Variants in C8orf34 observed in about 807,000 individuals in gnomAD.
The protein encoded by C8orf34 is uncharacterized protein C8orf34.
Under a neutral mutation model 68.3 loss-of-function variants are expected in C8orf34, and 65 were observed. The ratio of observed to expected loss-of-function variants is 0.95; its 90% CI spans 0.78 to 1.17. The LOEUF is 1.17. C8orf34 is among the 50% of genes most tolerant of loss of function. The pLI, the probability that C8orf34 is intolerant of heterozygous loss-of-function variation, is 0.00. For synonymous variants in C8orf34, 244 were observed against 241.2 expected, an observed-to-expected ratio of 1.01 and a Z score of -0.11; for missense variants, 664 against 655.4, an observed-to-expected ratio of 1.01 and a Z score of -0.14.
At chr8:68,582,274 A>G (rs2130356824) in intron 7 of C8orf34, among the ~76,000 whole-genome samples, 1 of 152,240 alleles carries the variant, frequency 6.6e-6, no homozygotes, top group Non-Finnish European at 1.5e-5. Context: ...AAGTGGGGGA[A>G]CCCAGCAAGG....
chr8:68,448,401 A>G (rs1811208990), intron 3 of C8orf34, among the ~76,000 whole-genome samples: 1 of 152,218 alleles, frequency 6.6e-6, no homozygotes. Flanking sequence ...TAAGAATACA[A>G]CAGATTTAGG....
intron 9 of C8orf34, among the ~76,000 whole-genome samples, chr8:68,713,931 A>G (rs992247156): frequency 6.6e-6 from 1 of 152,206 alleles, no homozygotes; most frequent in African/African-American, 2.4e-5. Context: ...AATATCAAAA[A>G]GATAATTCAC....
At chr8:68,370,221 C>T (rs1563383812) in intron 1 of C8orf34, among the ~76,000 whole-genome samples, 1 of 152,130 alleles carries the variant, frequency 6.6e-6, no homozygotes, top group Admixed American at 6.5e-5. Flanking sequence ...GTAGGCTGCC[C>T]ATCTATTCCC....
At chr8:68,716,736 C>T (rs1283644211) in intron 9 of C8orf34, among the ~76,000 whole-genome samples, 1 of 151,848 alleles carries the variant, frequency 6.6e-6, no homozygotes, top group African/African-American at 2.4e-5. Flanking sequence ...AAATCTTGAG[C>T]ATTTATATAA....
rs1242128072 is a variant in C8orf34 at position 68,466,765 on chromosome 8, A to ATATATATATATATATATG, written c.608-1927_608-1926insTATATATATATATATATG. Reference sequence around the variant, plus strand: ...TATATATATATATATATATATATATAGATGCTTTCATTTCTTTATGATGAC... The same window carrying ATATATATATATATATATG: ...TATATATATATATATATATATATATATATATATATATATATATGGATGCTTTCATTTCTTTATGATGAC... On this transcript the variant is annotated intron_variant, in intron 3 of 13. Coordinates refer to ENST00000518698, the MANE Select transcript of C8orf34 (RefSeq NM_052958.4). Among the ~76,000 whole-genome samples the ATATATATATATATATATG allele has an allele frequency of 2.4e-4, 30 of 123,342 alleles. 1 individual carries two copies. The highest frequency in any genetic ancestry group is 5.0e-4 in the African/African-American group (16 of 32,078). 80.9% of individuals were successfully genotyped at this position (123,342 alleles called of 152,430 possible).
At chr8:68,395,093 T>G (rs755160510) in intron 1 of C8orf34, among the ~76,000 whole-genome samples, 1 of 152,090 alleles carries the variant, frequency 6.6e-6, no homozygotes, top group Non-Finnish European at 1.5e-5. Context: ...TAACAGAACA[T>G]TCCTAAATGT....
chr8:68,696,403 A>G (rs974492817), intron 8 of C8orf34, among the ~76,000 whole-genome samples: 20 of 149,880 alleles, frequency 1.3e-4, no homozygotes, highest in African/African-American at 4.6e-4. Flanking sequence ...TTTTATATAT[A>G]CATAGTCCCT....
intron 3 of C8orf34, among the ~76,000 whole-genome samples, chr8:68,459,611 A>C (rs1811702805): frequency 6.6e-6 from 1 of 152,216 alleles, no homozygotes; most frequent in South Asian, 2.1e-4. Flanking sequence ...GATTTCTCAA[A>C]AAACTTAAAA....
At chr8:68,429,427 G>T (rs940869130) in intron 1 of C8orf34, among the ~76,000 whole-genome samples, 1 of 152,132 alleles carries the variant, frequency 6.6e-6, no homozygotes, top group South Asian at 2.1e-4. Flanking sequence ...ATGGGAATGC[G>T]GGTGGGAGAC....
At chr8:68,737,621 C>A (rs1335680947) in intron 10 of C8orf34, among the ~76,000 whole-genome samples, 1 of 151,824 alleles carries the variant, frequency 6.6e-6, no homozygotes, top group African/African-American at 2.4e-5. Flanking sequence ...GGGTAGCAAC[C>A]TTACTTTCAG....
intron 5 of C8orf34, among the ~76,000 whole-genome samples, chr8:68,519,041 A>G (rs1008631392): frequency 6.6e-6 from 1 of 152,218 alleles, no homozygotes; most frequent in African/African-American, 2.4e-5. Context: ...TTCAAAATGA[A>G]AAATTTATTG....
chr8:68,705,880 T>C (rs1456583790), intron 8 of C8orf34, among the ~76,000 whole-genome samples: 1 of 152,148 alleles, frequency 6.6e-6, no homozygotes, highest in African/African-American at 2.4e-5. Context: ...CTTTCCAGCA[T>C]AATGGATAGT....
chr8:68,734,835 C>A (rs750696206), intron 10 of C8orf34, among the ~76,000 whole-genome samples: 7 of 152,128 alleles, frequency 4.6e-5, no homozygotes, highest in Non-Finnish European at 7.4e-5. Context: ...CCACTCTGGG[C>A]GGCCAGACCT....
At chr8:68,346,149 T>A (rs2129618281) in intron 1 of C8orf34, among the ~76,000 whole-genome samples, 1 of 152,288 alleles carries the variant, frequency 6.6e-6, no homozygotes, top group South Asian at 2.1e-4. Flanking sequence ...TGAATGTGTA[T>A]TCTTTCTTAG....
intron 1 of C8orf34, among the ~76,000 whole-genome samples, chr8:68,421,205 A>C (rs1349031657): frequency 2.0e-5 from 3 of 152,230 alleles, no homozygotes; most frequent in Non-Finnish European, 4.4e-5. Context: ...ATTCTAAATA[A>C]AACGAAAGAC....
At chr8:68,768,801 C>A (rs143755890) in intron 10 of C8orf34, among the ~76,000 whole-genome samples, 2 of 152,052 alleles carry the variant, frequency 1.3e-5, no homozygotes, top group Non-Finnish European at 2.9e-5. Flanking sequence ...GTCTTTGTGC[C>A]GGCAACTGCA....
chr8:68,698,384 C>G (rs1820896030), intron 8 of C8orf34, among the ~76,000 whole-genome samples: 1 of 152,026 alleles, frequency 6.6e-6, no homozygotes, highest in Non-Finnish European at 1.5e-5. Flanking sequence ...ACCAAGGCAG[C>G]AAAACCTACT....
chr8:68,394,013 C>A (rs981377952), intron 1 of C8orf34, among the ~76,000 whole-genome samples: 1 of 152,020 alleles, frequency 6.6e-6, no homozygotes, highest in Non-Finnish European at 1.5e-5. Context: ...CAATCAAATA[C>A]CTTTGGGGGC....
At chr8:68,495,242 G>T (rs1021617045) in intron 5 of C8orf34, among the ~76,000 whole-genome samples, 1 of 151,146 alleles carries the variant, frequency 6.6e-6, no homozygotes, top group Non-Finnish European at 1.5e-5. Flanking sequence ...TCTGTTTCTA[G>T]TCCTTGAAAC....
Sources: allele counts gnomAD v4.1 joint callset (sites outside exome capture counted in the v4.1 genomes callset), GRCh38; gene constraint gnomAD v4.1.1; transcripts MANE v1.5; gene names NCBI Gene and HGNC (gene_info 2026-07-23, HGNC 2026-07-21).